HPS3: variants seen among roughly 807,000 people sequenced by gnomAD.
HPS3 encodes HPS3 biogenesis of lysosomal organelles complex 2 subunit 1.
HPS3 carries 79 observed loss-of-function variants against 110.9 expected under a neutral mutation model. The ratio of observed to expected loss-of-function variants is 0.71; its 90% CI spans 0.59 to 0.86. The LOEUF is 0.86. Ranked by LOEUF, HPS3 falls within the 40% of genes least tolerant of loss-of-function variation. The probability of loss-of-function intolerance (pLI) is 0.00; values close to 1 mark genes in which losing one functional copy is unlikely to be tolerated. For synonymous variants in HPS3, 428 were observed against 451.0 expected, an observed-to-expected ratio of 0.95 and a Z score of 0.65; for missense variants, 1,197 against 1,206.2, an observed-to-expected ratio of 0.99 and a Z score of 0.11.
intron 1 of HPS3, 73 bp from the exon 2 acceptor site, chr3:149,139,931 G>A: frequency 7.5e-7 from 1 of 1,338,672 alleles, no homozygotes; most frequent in South Asian, 1.2e-5. Context: ...TTCATTAATA[G>A]TACTCATGTC....
chr3:149,156,247 T>A (rs1283340693), intron 8 of HPS3, among the ~76,000 whole-genome samples: 1 of 152,196 alleles, frequency 6.6e-6, no homozygotes, highest in Non-Finnish European at 1.5e-5. Flanking sequence ...CTTCAGCGTA[T>A]ATTTTCTAAG....
chr3:149,130,262 AG>A (rs1486437758), intron 1 of HPS3: 2 of 442,762 alleles, frequency 4.5e-6, no homozygotes, highest in Non-Finnish European at 8.2e-6. Context: ...AAAACTCTTT[AG>A]TGCATCAGAT....
chr3:149,157,841 C>G (rs1241441292), intron 9 of HPS3, among the ~76,000 whole-genome samples: 1 of 152,144 alleles, frequency 6.6e-6, no homozygotes, highest in Non-Finnish European at 1.5e-5. Flanking sequence ...TTGAAAATCC[C>G]TGACATTAAA....
intron 5 of HPS3, among the ~76,000 whole-genome samples, chr3:149,150,100 A>G (rs1243830527): frequency 6.6e-6 from 1 of 152,242 alleles, no homozygotes; most frequent in East Asian, 1.9e-4. Context: ...CAATTCGACC[A>G]TTGGATTTGA....
chr3:149,135,504 G>A lies in HPS3; in HGVS notation c.218-4500G>A, dbSNP rs566968403. On this transcript the variant is annotated intron_variant, in intron 1 of 16. Transcript: ENST00000296051. The stretch of plus-strand genomic sequence containing the variant: ...ACCCACACTTATTTTCTGTCCTGCC[G>A]CCCTGTGAAGAGGTGCCTTCCACCA... 7.9e-5 allele frequency among the ~76,000 whole-genome samples: 12 copies of A among 152,186 alleles called. No homozygotes were observed. In the East Asian group the frequency reaches 2.1e-3, roughly 27 times the overall value.
intron 12 of HPS3, 126 bp downstream of exon 12, chr3:149,162,459 T>C: frequency 1.1e-6 from 1 of 948,784 alleles, no homozygotes; most frequent in Non-Finnish European, 1.7e-6. Flanking sequence ...ACATAATCAG[T>C]TTATAAGATA....
intron 16 of HPS3, among the ~76,000 whole-genome samples, chr3:149,170,967 T>C (rs966354460): frequency 6.6e-6 from 1 of 152,222 alleles, no homozygotes; most frequent in Non-Finnish European, 1.5e-5. Context: ...TAATGTATGT[T>C]ACATTCCTTA....
chr3:149,146,653 C>T (rs1188589435), intron 5 of HPS3, among the ~76,000 whole-genome samples: 1 of 152,190 alleles, frequency 6.6e-6, no homozygotes, highest in Non-Finnish European at 1.5e-5. Context: ...ATTCTGATAT[C>T]CACTCTTAGT....
chr3:149,135,476 C>G lies in HPS3; in HGVS notation c.218-4528C>G, dbSNP rs530747519. Among the ~76,000 whole-genome samples, 7 of 152,210 alleles carry G rather than the reference C, an allele frequency of 4.6e-5. No individual in the cohort carries two copies. In the East Asian group the frequency reaches 1.2e-3, roughly 25 times the overall value. ...TGGTTTTTAAGTGTCTGGCATTTCC[C>G]CTACCCACACTTATTTTCTGTCCTG... On this transcript the variant is annotated intron_variant, in intron 1 of 16. Transcript: ENST00000296051.
At chr3:149,150,322 CAT>C (rs1403181777) in intron 5 of HPS3, among the ~76,000 whole-genome samples, 1 of 152,156 alleles carries the variant, frequency 6.6e-6, no homozygotes, top group Non-Finnish European at 1.5e-5. Flanking sequence ...ATCAGAGTCA[CAT>C]ATGGAGTTTT....
chr3:149,138,880 G>C (rs1484890056), intron 1 of HPS3, among the ~76,000 whole-genome samples: 1 of 152,202 alleles, frequency 6.6e-6, no homozygotes, highest in Non-Finnish European at 1.5e-5. Flanking sequence ...GTCAGTGCTA[G>C]TGAGGATGTG....
Position 149,162,672 on chromosome 3 carries a change from C to T in HPS3, c.2293-18C>T, listed in dbSNP as rs1465390779. ...TATATTTATCTGGAATATAGAGGCT[C>T]CTTTTACTGTTTTTAAGGTGCTTTG... On this transcript the variant is annotated intron_variant, in intron 12 of 16. Transcript: ENST00000296051. 3.1e-5 allele frequency: 50 copies of T among 1,613,426 alleles called. No homozygotes were observed. The highest frequency in any genetic ancestry group is 4.0e-5 in the Non-Finnish European group (47 of 1,179,594).
At chr3:149,157,231 T>G in intron 8 of HPS3, 119 bp from the exon 9 acceptor site, 2 of 922,066 alleles carry the variant, frequency 2.2e-6, no homozygotes, top group Non-Finnish European at 3.4e-6. Flanking sequence ...TTGTTTACTT[T>G]TAGGGTTTAA....
At chr3:149,132,577 G>C (rs557823872) in intron 1 of HPS3, among the ~76,000 whole-genome samples, 7 of 152,298 alleles carry the variant, frequency 4.6e-5, no homozygotes, top group African/African-American at 1.7e-4. Flanking sequence ...ACCTCTGATG[G>C]AGATGTAGAA....
At position 149,163,963 on chromosome 3, in the gene HPS3, C is replaced by T; in HGVS notation, c.2589+14C>T. 1 of 1,229,556 alleles carries T rather than the reference C, an allele frequency of 8.1e-7. No individual in the cohort carries two copies. The highest frequency in any genetic ancestry group is 1.2e-6 in the Non-Finnish European group (1 of 830,854). The allele number at this position is 1,229,556 out of a possible 1,614,324, so 76.2% of individuals were successfully genotyped here. A position where few individuals can be genotyped will look rare whatever the true frequency, so the allele number is the denominator to read the frequency against. ...TCAAAATTACAGGTAAGTAAAAATA[C>T]CTCCTTTTCTTATGAAATTGCATAT... is the stretch of plus-strand genomic sequence containing the variant. On this transcript the variant is annotated intron_variant, in intron 14 of 16. Transcript: ENST00000296051.
chr3:149,148,898 G>A (rs1202234276), intron 5 of HPS3, among the ~76,000 whole-genome samples: 2 of 150,504 alleles, frequency 1.3e-5, no homozygotes, highest in East Asian at 3.9e-4. Context: ...GATTCCAACA[G>A]TAGCCAATAG....
At chr3:149,145,258 C>A (rs1722720712) in intron 4 of HPS3, 96 bp from the exon 5 acceptor site, 1 of 916,804 alleles carries the variant, frequency 1.1e-6, no homozygotes, top group Non-Finnish European at 1.8e-6. Flanking sequence ...TTTGGTTACC[C>A]ACTGATACAG....
chr3:149,157,568 A>T lies in HPS3; in HGVS notation c.1691+37A>T. 1.9e-6 allele frequency: 3 copies of T among 1,595,926 alleles called. 1 individual carries two copies. In the South Asian group the frequency reaches 3.3e-5, roughly 18 times the overall value. On this transcript the variant is annotated intron_variant, in intron 9 of 16. Transcript: ENST00000296051. ...CTCTTGGAACCTTGTTACAGAAGTC[A>T]TCTTGAACTTTGGGTACACTTGTTA... is the stretch of plus-strand genomic sequence containing the variant.
rs779194576 is a variant in HPS3, at chr3:149,160,296, G to A, written c.2106+17G>A. The stretch of plus-strand genomic sequence containing the variant: ...CATTCAGAGGTATGGAGCTCTGCCC[G>A]GTGCTAACAGAAGGCTGAAATAGGA... On this transcript the variant is annotated intron_variant, in intron 11 of 16. Transcript: ENST00000296051. 1.7e-5 allele frequency: 26 copies of A among 1,541,236 alleles called. No homozygotes were observed. Among genetic ancestry groups the A allele is most frequent in the Middle Eastern group, 1.7e-4 (1 of 5,914 alleles).
Sources: allele counts gnomAD v4.1 joint callset (sites outside exome capture counted in the v4.1 genomes callset), GRCh38; gene constraint gnomAD v4.1.1; transcripts MANE v1.5; gene names NCBI Gene and HGNC (gene_info 2026-07-23, HGNC 2026-07-21).